The following CCSER2 variants were observed in gnomAD, a reference collection of about 807,000 sequenced individuals.
The protein encoded by CCSER2 is coiled-coil serine rich protein 2, also known as serine-rich coiled-coil domain-containing protein 2.
In CCSER2, 46 loss-of-function variants were observed where a neutral mutation model predicts 92.3. The ratio of observed to expected loss-of-function variants is 0.50; its 90% CI spans 0.39 to 0.64. The LOEUF (loss-of-function observed/expected upper bound fraction) is 0.64, where lower values mean the gene tolerates loss of function less well. Ranked by LOEUF, CCSER2 falls within the 30% of genes least tolerant of loss-of-function variation. The pLI is 0.00. For missense variants in CCSER2, 1,244 were observed against 1,238.9 expected (o/e 1.00, Z -0.06); for synonymous variants, 433 against 431.4 (o/e 1.00, Z -0.04).
intron 1 of CCSER2, among the ~76,000 whole-genome samples, chr10:84,342,324 ATC>A (rs959389184): frequency 2.0e-5 from 3 of 152,298 alleles, no homozygotes; most frequent in South Asian, 4.1e-4. Flanking sequence ...AATAAAGAAT[ATC>A]TCTGTCACAT....
intron 1 of CCSER2, among the ~76,000 whole-genome samples, chr10:84,355,160 AT>A (rs955233794): frequency 4.6e-5 from 7 of 151,740 alleles, no homozygotes; most frequent in African/African-American, 1.7e-4. Context: ...TTCAGGTCAG[AT>A]CTTTTTTTTT....
intron 3 of CCSER2, chr10:84,393,774 C>G (rs897967947): frequency 6.6e-5 from 10 of 152,344 alleles, no homozygotes; most frequent in African/African-American, 2.2e-4. Flanking sequence ...TATGACATAA[C>G]CTATTTACAA....
At chr10:84,486,578 G>A (rs1458986488) in intron 9 of CCSER2, among the ~76,000 whole-genome samples, 2 of 151,974 alleles carry the variant, frequency 1.3e-5, no homozygotes, top group Non-Finnish European at 2.9e-5. Context: ...TTGCCCACTT[G>A]TTGATGGGGT....
chr10:84,406,328 G>A (rs1036262713), intron 3 of CCSER2, among the ~76,000 whole-genome samples: 1 of 152,148 alleles, frequency 6.6e-6, no homozygotes, highest in African/African-American at 2.4e-5. Context: ...AAACTGTTCT[G>A]CATCCTAATT....
rs72841181 is a variant in CCSER2 at position 84,374,489 on chromosome 10, G to T, written c.1614+674G>T. 3.1e-3 allele frequency among the ~76,000 whole-genome samples: 475 copies of T among 152,206 alleles called. 10 individuals are homozygous for T. The highest frequency in any genetic ancestry group is 0.024 in the Admixed American group (363 of 15,266). On this transcript the variant is annotated intron_variant, in intron 3 of 9. Transcript: ENST00000372088. ...TGGCAGAGGAAGAGAGTGCCAGAGG[G>T]TCTCACACATATAATTACTTGCATT...
At chr10:84,494,713 G>A (rs988830260) in intron 9 of CCSER2, among the ~76,000 whole-genome samples, 7 of 152,108 alleles carry the variant, frequency 4.6e-5, no homozygotes, top group Non-Finnish European at 1.0e-4. Flanking sequence ...AGAGTGAAGC[G>A]CAGTCATAAA....
intron 4 of CCSER2, among the ~76,000 whole-genome samples, chr10:84,421,363 G>A (rs927418897): frequency 6.6e-6 from 1 of 152,198 alleles, no homozygotes; most frequent in African/African-American, 2.4e-5. Flanking sequence ...AGGTTTAGTT[G>A]ACTTACAGTT....
intron 4 of CCSER2, among the ~76,000 whole-genome samples, chr10:84,418,711 T>G (rs1842994467): frequency 6.6e-6 from 1 of 152,222 alleles, no homozygotes; most frequent in African/African-American, 2.4e-5. Context: ...TAGCCTGCTT[T>G]GCTGCTTTAC....
intron 5 of CCSER2, among the ~76,000 whole-genome samples, chr10:84,429,014 T>C (rs111779273): frequency 0.022 from 3,113 of 139,352 alleles, 48 homozygotes; most frequent in South Asian, 0.074. Flanking sequence ...TATATATATA[T>C]ACACACTTAA....
chr10:84,405,616 A>T (rs147711622), intron 3 of CCSER2, among the ~76,000 whole-genome samples: 146 of 152,340 alleles, frequency 9.6e-4, no homozygotes, highest in Non-Finnish European at 1.9e-3. Flanking sequence ...GCAATAAGTA[A>T]GTAGACAACC....
At chr10:84,481,055 G>T (rs1322165603) in intron 9 of CCSER2, among the ~76,000 whole-genome samples, 4 of 152,052 alleles carry the variant, frequency 2.6e-5, no homozygotes, top group African/African-American at 9.7e-5. Flanking sequence ...AACTAAGTAT[G>T]ACCAGAAAGT....
intron 9 of CCSER2, among the ~76,000 whole-genome samples, chr10:84,480,623 A>G (rs1030846165): frequency 3.3e-5 from 5 of 152,208 alleles, no homozygotes; most frequent in Admixed American, 1.3e-4. Context: ...TTCCTTTCCT[A>G]TTTTTATTGA....
intron 3 of CCSER2, chr10:84,374,043 C>T (rs1189676058): frequency 1.5e-5 from 14 of 958,748 alleles, no homozygotes; most frequent in Non-Finnish European, 1.9e-5. Context: ...ATATATATTC[C>T]TCATACATAT....
At chr10:84,347,568 TCG>T (rs1193298063) in intron 1 of CCSER2, among the ~76,000 whole-genome samples, 1 of 149,898 alleles carries the variant, frequency 6.7e-6, no homozygotes, top group Admixed American at 6.6e-5. Flanking sequence ...CCCACCTCCC[TCG>T]CGGACGGGGC....
intron 1 of CCSER2, among the ~76,000 whole-genome samples, chr10:84,352,166 T>C (rs1844897135): frequency 6.6e-6 from 1 of 151,662 alleles, no homozygotes; most frequent in Non-Finnish European, 1.5e-5. Context: ...TAGCTGGGTG[T>C]GGTGGCACAC....
chr10:84,389,969 G>A (rs933809987), intron 3 of CCSER2, among the ~76,000 whole-genome samples: 2 of 152,086 alleles, frequency 1.3e-5, no homozygotes, highest in Non-Finnish European at 2.9e-5. Context: ...TTTTTATTAG[G>A]AAATGCTGTT....
intron 6 of CCSER2, among the ~76,000 whole-genome samples, chr10:84,457,306 GTTA>G (rs1845747797): frequency 2.8e-5 from 1 of 35,444 alleles, no homozygotes; most frequent in Non-Finnish European, 5.1e-5. Flanking sequence ...TATATAATAT[GTTA>G]TATATAATAT....
intron 3 of CCSER2, among the ~76,000 whole-genome samples, chr10:84,404,486 A>G (rs1842277730): frequency 6.6e-6 from 1 of 152,176 alleles, no homozygotes; most frequent in Admixed American, 6.5e-5. Context: ...TACAAACGGG[A>G]TATGGAGCTC....
chr10:84,425,827 G>T lies in CCSER2; in HGVS notation c.1802G>T (p.Gly601Val), dbSNP rs1185621763. Residue 601 changes from glycine (G) to valine (V), a missense_variant, in exon 5 of 10, where the codon GGA (glycine) becomes GTA (valine). Coordinates refer to ENST00000372088, the MANE Select transcript of CCSER2 (RefSeq NM_001284240.2). ...FWKRPPQRWS[G>V]QEHYHLSHPD... ...AAAAGGCCACCCCAGAGGTGGAGTGGACAGGAGCATTACCACCTCAGCCAC... is the reference window on the plus strand; with the variant it reads ...AAAAGGCCACCCCAGAGGTGGAGTGTACAGGAGCATTACCACCTCAGCCAC... 8 of 1,613,422 alleles carry T rather than the reference G, an allele frequency of 5.0e-6. No homozygotes were observed. The highest frequency in any genetic ancestry group is 6.8e-6 in the Non-Finnish European group (8 of 1,179,616).
Sources: gnomAD v4.1 joint callset for allele counts (sites outside exome capture counted in the v4.1 genomes callset) on GRCh38, gnomAD v4.1.1 for gene constraint, MANE v1.5 for transcripts, NCBI Gene and HGNC (gene_info 2026-07-23, HGNC 2026-07-21) for gene names.